The following ENTREP2 variants were observed in gnomAD, a reference collection of about 807,000 sequenced individuals.
The protein encoded by ENTREP2 is protein ENTREP2.
chr15:29,132,699 G>A, the ENTREP2 span, among the ~76,000 whole-genome samples: 119,069 of 152,198 alleles, frequency 0.78, 51,985 homozygotes, highest in Non-Finnish European at 0.97. Flanking sequence ...CAGTAAAACT[G>A]TGAACACAAC....
the ENTREP2 span, among the ~76,000 whole-genome samples, chr15:29,600,676 T>C: frequency 6.6e-6 from 1 of 152,058 alleles, no homozygotes; most frequent in South Asian, 2.1e-4. Context: ...CTTGCTATAT[T>C]GCCGGGGCCA....
the ENTREP2 span, among the ~76,000 whole-genome samples, chr15:29,342,521 G>A: frequency 0.037 from 5,637 of 152,180 alleles, 162 homozygotes; most frequent in South Asian, 0.082. Context: ...GAGTCAAAGC[G>A]TGAATTAACC....
the ENTREP2 span, among the ~76,000 whole-genome samples, chr15:29,224,091 T>C: frequency 1.3e-5 from 2 of 152,298 alleles, no homozygotes; most frequent in South Asian, 2.1e-4. Flanking sequence ...GTCCAGACTT[T>C]GTTCCTTCTG....
chr15:29,128,698 A>G, the ENTREP2 span: 1 of 959,890 alleles, frequency 1.0e-6, no homozygotes, highest in Non-Finnish European at 1.6e-6. Context: ...GAAAAAGAGA[A>G]GAGAAGAGAA....
At chr15:29,169,446 T>C in the ENTREP2 span, among the ~76,000 whole-genome samples, 1 of 152,138 alleles carries the variant, frequency 6.6e-6, no homozygotes, top group African/African-American at 2.4e-5. Flanking sequence ...TTACTTGTGT[T>C]GGGATAATTG....
chr15:29,124,756 C>T, the ENTREP2 span: 3 of 1,550,550 alleles, frequency 1.9e-6, no homozygotes, highest in Non-Finnish European at 2.6e-6. Context: ...TGTGAAGAGG[C>T]ATCGCCTTAA....
At chr15:29,293,548 G>T in the ENTREP2 span, among the ~76,000 whole-genome samples, 1 of 151,496 alleles carries the variant, frequency 6.6e-6, no homozygotes, top group Non-Finnish European at 1.5e-5. Context: ...GAGCCACCGC[G>T]CCCGGCCAAA....
the ENTREP2 span, among the ~76,000 whole-genome samples, chr15:29,648,148 G>A: frequency 1.3e-5 from 2 of 152,170 alleles, no homozygotes; most frequent in Admixed American, 1.3e-4. Flanking sequence ...GAAGCAAAAA[G>A]GAGGTGCCAT....
At chr15:29,156,725 C>T in the ENTREP2 span, among the ~76,000 whole-genome samples, 5 of 151,994 alleles carry the variant, frequency 3.3e-5, no homozygotes, top group Admixed American at 6.6e-5. Flanking sequence ...TAGGGGAGAC[C>T]GGGATGAGGG....
chr15:29,275,483 GGTTAA>G, the ENTREP2 span, among the ~76,000 whole-genome samples: 1 of 152,130 alleles, frequency 6.6e-6, no homozygotes, highest in African/African-American at 2.4e-5. Flanking sequence ...AAAGACAAGT[GGTTAA>G]AAAAGAAAAA....
At chr15:29,330,374 G>A in the ENTREP2 span, among the ~76,000 whole-genome samples, 1 of 151,970 alleles carries the variant, frequency 6.6e-6, no homozygotes, top group African/African-American at 2.4e-5. Context: ...GTTTGAACCC[G>A]GGAGGCAGAG....
At chr15:29,371,798 TAAAGAAAAAGAG>T in the ENTREP2 span, among the ~76,000 whole-genome samples, 1 of 151,556 alleles carries the variant, frequency 6.6e-6, no homozygotes, top group Non-Finnish European at 1.5e-5. Flanking sequence ...CCCCAGAAAG[TAAAGAAAAAGAG>T]AAAGAAAACA....
the ENTREP2 span, among the ~76,000 whole-genome samples, chr15:29,306,530 T>C: frequency 1.3e-5 from 2 of 152,182 alleles, no homozygotes; most frequent in Admixed American, 1.3e-4. Flanking sequence ...TTAACTTTTA[T>C]AATTCAGCAC....
the ENTREP2 span, among the ~76,000 whole-genome samples, chr15:29,478,086 G>C: frequency 1.5e-5 from 2 of 133,924 alleles, no homozygotes; most frequent in Non-Finnish European, 3.0e-5. Flanking sequence ...GTGCAGTGGC[G>C]TGATCTCAGC....
chr15:29,562,845 C>T, the ENTREP2 span, among the ~76,000 whole-genome samples: 4 of 152,024 alleles, frequency 2.6e-5, no homozygotes. Flanking sequence ...GACTGGAGTG[C>T]AGTGGTGCAA....
chr15:29,600,240 A>T, the ENTREP2 span, among the ~76,000 whole-genome samples: 4 of 152,206 alleles, frequency 2.6e-5, no homozygotes, highest in Non-Finnish European at 4.4e-5. Flanking sequence ...CAAAAAAAAA[A>T]GATGCTGGAA....
the ENTREP2 span, chr15:29,124,631 C>G: frequency 6.8e-6 from 10 of 1,467,406 alleles, no homozygotes; most frequent in South Asian, 1.1e-4. Flanking sequence ...CCCACCAACA[C>G]CCGCCCCACC....
chr15:29,524,461 C>T, the ENTREP2 span, among the ~76,000 whole-genome samples: 1 of 152,178 alleles, frequency 6.6e-6, no homozygotes, highest in Admixed American at 6.5e-5. Flanking sequence ...CAAGATGTGG[C>T]AGACCACTCC....
the ENTREP2 span, among the ~76,000 whole-genome samples, chr15:29,362,338 T>TG: frequency 6.6e-6 from 1 of 151,866 alleles, no homozygotes. Context: ...ATTACCTTAT[T>TG]GGGTATCTTT....
Sources: allele counts gnomAD v4.1 joint callset (sites outside exome capture counted in the v4.1 genomes callset), GRCh38; gene constraint gnomAD v4.1.1; transcripts MANE v1.5; gene names NCBI Gene and HGNC (gene_info 2026-07-23, HGNC 2026-07-21).